ATAD2B: variants seen among roughly 807,000 people sequenced by gnomAD.
The protein encoded by ATAD2B is ATPase family AAA domain containing 2B, also known as ATPase family AAA domain-containing protein 2B.
ATAD2B carries 40 observed loss-of-function variants against 167.6 expected under a neutral mutation model. That is an observed-to-expected ratio of 0.24 (90% CI 0.19 to 0.31). The LOEUF (loss-of-function observed/expected upper bound fraction) is 0.31, where lower values mean the gene tolerates loss of function less well. Ranked by LOEUF, ATAD2B falls within the 10% of genes least tolerant of loss-of-function variation. The pLI is 1.00. For missense variants in ATAD2B, 1,242 were observed against 1,757.2 expected (o/e 0.71, Z 5.24); for synonymous variants, 579 against 596.5 (o/e 0.97, Z 0.43).
rs779146435 is a variant in ATAD2B at position 23,895,802 on chromosome 2, G to A, written c.368+17C>T. 3.2e-6 allele frequency: 5 copies of A among 1,566,560 alleles called. No individual in the cohort carries two copies. In the South Asian group the frequency reaches 3.6e-5, roughly 11 times the overall value. ...AGTAATTTAAGAAAAAACAATCAAT[G>A]AGTTCTCCTTTCTCACCTGGCCTGT... On this transcript the variant is annotated intron_variant, in intron 2 of 27. Coordinates refer to ENST00000238789, the MANE Select transcript of ATAD2B (RefSeq NM_017552.4).
chr2:23,681,582 A>G, the ATAD2B span, among the ~76,000 whole-genome samples: 6 of 152,280 alleles, frequency 3.9e-5, no homozygotes, highest in Middle Eastern at 3.4e-3. This position sits in a 1 kb window ranked among gnomAD's most constrained non-coding sequence, Gnocchi z 4.2. Flanking sequence ...GTGGGGCCAC[A>G]TCTGTCACTC....
chr2:23,682,587 G>T, the ATAD2B span, among the ~76,000 whole-genome samples: 1 of 152,054 alleles, frequency 6.6e-6, no homozygotes, highest in African/African-American at 2.4e-5. This position sits in a 1 kb window ranked among gnomAD's most constrained non-coding sequence, Gnocchi z 4.1. Flanking sequence ...AGACTGTTGC[G>T]ATCTGGCCCC....
chr2:23,723,456 AAGGGAGGG>A, the ATAD2B span, among the ~76,000 whole-genome samples: 1 of 109,258 alleles, frequency 9.2e-6, no homozygotes, highest in Non-Finnish European at 1.8e-5. Flanking sequence ...GGGAAGGAGA[AAGGGAGGG>A]AGGGAGGGAA....
the ATAD2B span, among the ~76,000 whole-genome samples, chr2:23,730,665 CAAAAAAAAAAAA>C: frequency 8.4e-4 from 27 of 31,988 alleles, 1 homozygote; most frequent in East Asian, 3.5e-3. Context: ...GACTCCGTTT[CAAAAAAAAAAAA>C]AAAAAAAAAA....
At chr2:23,857,719 T>C (rs1052129459) in intron 12 of ATAD2B, among the ~76,000 whole-genome samples, 1 of 151,326 alleles carries the variant, frequency 6.6e-6, no homozygotes, top group Admixed American at 6.7e-5. Context: ...CCATACATAC[T>C]TATACACAAA....
intron 8 of ATAD2B, among the ~76,000 whole-genome samples, chr2:23,871,441 C>T (rs1349411908): frequency 6.6e-6 from 1 of 152,232 alleles, no homozygotes; most frequent in Non-Finnish European, 1.5e-5. Flanking sequence ...TATACCCGAG[C>T]ACCCACTGAC....
chr2:23,814,026 G>C (rs1479758174), intron 17 of ATAD2B, among the ~76,000 whole-genome samples: 1 of 152,138 alleles, frequency 6.6e-6, no homozygotes, highest in Non-Finnish European at 1.5e-5. Flanking sequence ...GCTGAGTTGG[G>C]AGGCTCACTT....
chr2:23,697,600 T>G, the ATAD2B span: 1 of 152,348 alleles, frequency 6.6e-6, no homozygotes, highest in Non-Finnish European at 1.5e-5. Flanking sequence ...ACTTGACAAA[T>G]GTTACAGCAA....
rs752843121 is a variant in ATAD2B, at chr2:23,783,042, T to C, written c.2974-14A>G. ...ATAATCTGAAACCTAAAACAGATAT[T>C]TTAATAAAAATTACTTCCAGTTTTT... On this transcript the variant is annotated splice_polypyrimidine_tract_variant and intron_variant, in intron 21 of 27. Coordinates refer to ENST00000238789, the MANE Select transcript of ATAD2B (RefSeq NM_017552.4). The C allele has an allele frequency of 5.8e-6, 8 of 1,372,330 alleles. No individual in the cohort carries two copies. The Admixed American group carries it at 1.8e-4, about 30-fold the overall frequency. 85.0% of individuals were successfully genotyped at this position (1,372,330 alleles called of 1,614,324 possible). A position where few individuals can be genotyped will look rare whatever the true frequency, so the allele number is the denominator to read the frequency against.
intron 6 of ATAD2B, 87 bp from the exon 7 acceptor site, chr2:23,880,842 T>G (rs1697773952): frequency 1.3e-6 from 1 of 772,582 alleles, no homozygotes; most frequent in Admixed American, 2.7e-5. Context: ...TATTTACACT[T>G]TATCCATTAC....
intron 22 of ATAD2B, among the ~76,000 whole-genome samples, chr2:23,774,405 T>C (rs1276944858): frequency 6.6e-6 from 1 of 152,046 alleles, no homozygotes; most frequent in Non-Finnish European, 1.5e-5. Context: ...CAGTGAGCCA[T>C]GATCATGCCA....
In ATAD2B at chr2:23,869,728, T is replaced by C. The variant is rs1288291329; in HGVS notation, c.1011A>G (p.Thr337=). 1 of 1,568,002 alleles carries C rather than the reference T, an allele frequency of 6.4e-7. No homozygotes were observed. Among genetic ancestry groups the C allele is most frequent in the African/African-American group, 1.3e-5 (1 of 74,336 alleles). ...RKKHAIHSSD[T]TSSDEERFER... is the part of the protein sequence containing the mutation. ...CAAAGCGTTCCTCATCAGAAGAAGTTGTGTCACTACTATGAATGGCATGCT... is the reference window on the plus strand; with the variant it reads ...CAAAGCGTTCCTCATCAGAAGAAGTCGTGTCACTACTATGAATGGCATGCT... Residue 337 remains threonine (T), a synonymous_variant, in exon 9 of 28, where the codon ACA becomes ACG. Coordinates refer to ENST00000238789, the MANE Select transcript of ATAD2B (RefSeq NM_017552.4).
At chr2:23,741,410 C>T in the ATAD2B span, among the ~76,000 whole-genome samples, 1 of 152,064 alleles carries the variant, frequency 6.6e-6, no homozygotes, top group African/African-American at 2.4e-5. Context: ...ATATCTACAA[C>T]TATCTGATCT....
chr2:23,685,831 C>T, the ATAD2B span, among the ~76,000 whole-genome samples: 3 of 152,232 alleles, frequency 2.0e-5, no homozygotes, highest in Non-Finnish European at 4.4e-5. Context: ...AAATCCTGGA[C>T]AGCAGGGGCC....
At position 23,926,921 on chromosome 2, in the gene ATAD2B, G is replaced by C. The variant is rs1704969443; in HGVS notation, c.-151C>G. On this transcript the variant is annotated 5_prime_UTR_variant, in exon 1 of 28. Transcript: ENST00000238789. ...GCGGAGCGCAGACGAGCACAAGAGA[G>C]AGCCGGGCAGAGGAAGGGAAGTCGG... is the stretch of plus-strand genomic sequence containing the variant. The C allele has an allele frequency of 3.2e-6, 3 of 925,832 alleles. No individual in the cohort carries two copies. Among genetic ancestry groups the C allele is most frequent in the Admixed American group, 7.0e-5 (2 of 28,386 alleles). The allele number at this position is 925,832 out of a possible 1,614,324, so 57.4% of individuals were successfully genotyped here.
At chr2:23,907,393 T>C (rs944589542) in intron 1 of ATAD2B, among the ~76,000 whole-genome samples, 115 of 151,930 alleles carry the variant, frequency 7.6e-4, no homozygotes, top group African/African-American at 2.4e-3. Flanking sequence ...ATAAAATACC[T>C]AGGAATCCAA....
At chr2:23,773,178 T>C (rs1470975453) in intron 22 of ATAD2B, among the ~76,000 whole-genome samples, 1 of 152,210 alleles carries the variant, frequency 6.6e-6, no homozygotes, top group Non-Finnish European at 1.5e-5. Context: ...ATGATAATCC[T>C]AGGTTCTTAA....
In ATAD2B at chr2:23,897,631, T is replaced by C. The variant is rs113539908; in HGVS notation, c.217-1661A>G. Among the ~76,000 whole-genome samples, 1,033 of 152,350 alleles carry C rather than the reference T, an allele frequency of 6.8e-3. 15 individuals carry two copies. Among genetic ancestry groups the C allele is most frequent in the African/African-American group, 0.022 (925 of 41,576 alleles). On this transcript the variant is annotated intron_variant, in intron 1 of 27. Coordinates refer to ENST00000238789, the MANE Select transcript of ATAD2B (RefSeq NM_017552.4). ...TTCTACAAATTATAATTTCCTACTC[T>C]ATTTATTTTGTTGCTCAAATTATGT...
Position 23,886,136 on chromosome 2 carries a change from G to C in ATAD2B, c.573-307C>G, listed in dbSNP as rs568316355. On this transcript the variant is annotated intron_variant, in intron 4 of 27. Coordinates refer to ENST00000238789, the MANE Select transcript of ATAD2B (RefSeq NM_017552.4). ...ACTTTTATATTTTTTTGTGGAGATG[G>C]GGTTTCACCATGTTGCCCAGGCTGT... is the stretch of plus-strand genomic sequence containing the variant. Among the ~76,000 whole-genome samples the C allele has an allele frequency of 9.2e-5, 14 of 151,804 alleles. 1 individual carries two copies. In the East Asian group the frequency reaches 1.7e-3, roughly 19 times the overall value.
Sources: gnomAD v4.1 joint callset for allele counts (sites outside exome capture counted in the v4.1 genomes callset) on GRCh38, gnomAD v4.1.1 for gene constraint, Gnocchi (gnomAD v3.1) non-coding constraint, MANE v1.5 for transcripts, NCBI Gene and HGNC (gene_info 2026-07-23, HGNC 2026-07-21) for gene names.